SAMSN1: variants seen among roughly 807,000 people sequenced by gnomAD.
SAMSN1 encodes the protein SAM domain-containing protein SAMSN-1.
SAMSN1 carries 31 observed loss-of-function variants against 42.0 expected under a neutral mutation model. The observed-to-expected ratio is 0.74, with a 90% CI of 0.55 to 1.00. The LOEUF is 1.00. Ranked by LOEUF, SAMSN1 falls within the 50% of genes least tolerant of loss-of-function variation. The pLI, the probability that SAMSN1 is intolerant of heterozygous loss-of-function variation, is 0.00. For missense variants in SAMSN1, 464 were observed against 439.4 expected (o/e 1.06, Z -0.50); for synonymous variants, 178 against 151.9 (o/e 1.17, Z -1.26).
intron 7 of SAMSN1, among the ~76,000 whole-genome samples, chr21:14,588,508 C>A (rs1235432285): frequency 3.3e-5 from 5 of 151,550 alleles, no homozygotes; most frequent in African/African-American, 1.2e-4. Context: ...TGATGATGAG[C>A]ATTTTTTCAT....
At chr21:14,609,613 T>A in intron 4 of SAMSN1, 1 of 717,142 alleles carries the variant, frequency 1.4e-6, no homozygotes, top group Non-Finnish European at 2.6e-6. Context: ...ATAGTAACAT[T>A]TGTCCAGTAA....
At position 14,528,419 on chromosome 21, in the gene SAMSN1, C is replaced by T. The variant is rs769243620; in HGVS notation, c.58-7198G>A. Among the ~76,000 whole-genome samples, 72 of 152,058 alleles carry T rather than the reference C, an allele frequency of 4.7e-4. 1 individual carries two copies. The highest frequency in any genetic ancestry group is 2.6e-4 in the Non-Finnish European group (18 of 68,016). ...CCAGGGAACCCAGTTTTATGCCTGC[C>T]CCAGCCCATAAGGCACCCTCTGCCT... On this transcript the variant is annotated intron_variant, in intron 1 of 7. Transcript: ENST00000400566.
intron 1 of SAMSN1, among the ~76,000 whole-genome samples, chr21:14,534,826 A>G (rs1050750468): frequency 1.3e-5 from 2 of 152,176 alleles, no homozygotes; most frequent in Admixed American, 6.5e-5. Context: ...GAAAATGTTC[A>G]AAGTCCCCTG....
At chr21:14,543,778 A>G (rs548289511) in intron 1 of SAMSN1, among the ~76,000 whole-genome samples, 1 of 152,180 alleles carries the variant, frequency 6.6e-6, no homozygotes, top group African/African-American at 2.4e-5. Flanking sequence ...TTAAAAAAAA[A>G]CCACAAAAAC....
chr21:14,606,204 T>TAACA (rs1982567827), intron 5 of SAMSN1, among the ~76,000 whole-genome samples: 1 of 152,180 alleles, frequency 6.6e-6, no homozygotes, highest in African/African-American at 2.4e-5. Flanking sequence ...CTCTTATTAC[T>TAACA]AACATTGTTT....
At chr21:14,636,605 G>A (rs888476743) in intron 2 of SAMSN1, among the ~76,000 whole-genome samples, 1 of 152,178 alleles carries the variant, frequency 6.6e-6, no homozygotes, top group African/African-American at 2.4e-5. Flanking sequence ...CACTTTAGGA[G>A]GTCGAGGCAG....
chr21:14,617,719 C>T (rs1246914133), intron 2 of SAMSN1, among the ~76,000 whole-genome samples: 2 of 152,160 alleles, frequency 1.3e-5, no homozygotes, highest in East Asian at 1.9e-4. Flanking sequence ...GGGAAACATT[C>T]GATACCTTTT....
intron 2 of SAMSN1, among the ~76,000 whole-genome samples, chr21:14,627,142 G>A (rs534821652): frequency 1.3e-5 from 2 of 152,074 alleles, no homozygotes; most frequent in African/African-American, 2.4e-5. Flanking sequence ...TGGGGGTAGG[G>A]GGAAGGGATA....
intron 1 of SAMSN1, among the ~76,000 whole-genome samples, chr21:14,644,484 C>T (rs148676675): frequency 2.2e-4 from 34 of 152,124 alleles, no homozygotes; most frequent in African/African-American, 7.7e-4. Context: ...ACCTGCTAAC[C>T]GAAGAGCCCT....
chr21:14,611,763 C>T (rs925031528), intron 4 of SAMSN1, among the ~76,000 whole-genome samples: 1 of 152,158 alleles, frequency 6.6e-6, no homozygotes, highest in Non-Finnish European at 1.5e-5. Context: ...GATTAAAACG[C>T]AGATATCCTT....
At chr21:14,517,090 C>T in intron 2 of SAMSN1, 49 bp from the exon 3 acceptor site, 1 of 1,519,848 alleles carries the variant, frequency 6.6e-7, no homozygotes, top group East Asian at 2.3e-5. Flanking sequence ...CAATAAAAAA[C>T]ATTGATCTGA....
At position 14,510,462 on chromosome 21, in the gene SAMSN1, C is replaced by CATCA; in HGVS notation, c.410-2_410-1insTGAT. The CATCA allele has an allele frequency of 6.2e-7, 1 of 1,614,118 alleles. No individual in the cohort carries two copies. Among genetic ancestry groups the CATCA allele is most frequent in the Non-Finnish European group, 8.5e-7 (1 of 1,179,996 alleles). On this transcript the variant is annotated splice_acceptor_variant, in intron 4 of 7. Coordinates refer to ENST00000400566, the MANE Select transcript of SAMSN1 (RefSeq NM_022136.5). LOFTEE classifies it high-confidence loss of function. The stretch of plus-strand genomic sequence containing the variant: ...CCATCTGAACAGCTTGTTATGCCAC[C>CATCA]TGATGAAAGCAGAAGTTCACAGTTG...
intron 1 of SAMSN1, among the ~76,000 whole-genome samples, chr21:14,533,259 C>T (rs4817236): frequency 0.12 from 18,947 of 151,846 alleles, 1,473 homozygotes; most frequent in East Asian, 0.23. Flanking sequence ...ACTGTAACCA[C>T]GTAAAGTATT....
intron 2 of SAMSN1, among the ~76,000 whole-genome samples, chr21:14,572,405 T>C (rs1247888721): frequency 6.6e-6 from 1 of 152,166 alleles, no homozygotes; most frequent in African/African-American, 2.4e-5. Flanking sequence ...CTTATTTGAC[T>C]CACGGAGTTT....
At chr21:14,645,613 C>T (rs1983698526) in intron 1 of SAMSN1, among the ~76,000 whole-genome samples, 1 of 152,292 alleles carries the variant, frequency 6.6e-6, no homozygotes, top group South Asian at 2.1e-4. Flanking sequence ...CACCGAAGAA[C>T]ATCTACTAGC....
intron 5 of SAMSN1, among the ~76,000 whole-genome samples, chr21:14,502,194 C>T (rs1600866499): frequency 6.6e-6 from 1 of 152,198 alleles, no homozygotes; most frequent in East Asian, 1.9e-4. Context: ...TATAATTCAC[C>T]ATGACTGAAC....
chr21:14,616,110 C>T (rs904815800), intron 2 of SAMSN1: 4 of 404,220 alleles, frequency 9.9e-6, no homozygotes, highest in Non-Finnish European at 9.2e-6. Context: ...CATTCATTTT[C>T]TAGTATAATC....
At chr21:14,625,746 A>G (rs1983150083) in intron 2 of SAMSN1, among the ~76,000 whole-genome samples, 1 of 152,204 alleles carries the variant, frequency 6.6e-6, no homozygotes, top group African/African-American at 2.4e-5. Flanking sequence ...TCAAGCTACC[A>G]ATGACTTTCT....
chr21:14,525,550 C>T (rs567713818), intron 1 of SAMSN1, among the ~76,000 whole-genome samples: 1 of 152,056 alleles, frequency 6.6e-6, no homozygotes, highest in Admixed American at 6.5e-5. Flanking sequence ...ACCACTATAC[C>T]AAAAACATCA....
Sources: gnomAD v4.1 joint callset for allele counts (sites outside exome capture counted in the v4.1 genomes callset) on GRCh38, gnomAD v4.1.1 for gene constraint, MANE v1.5 for transcripts, NCBI Gene and HGNC (gene_info 2026-07-23, HGNC 2026-07-21) for gene names.